FRMPD2: variants seen among roughly 807,000 people sequenced by gnomAD.
FRMPD2 encodes FERM and PDZ domain-containing protein 2.
In FRMPD2, 96 loss-of-function variants were observed where a neutral mutation model predicts 140.1. The ratio of observed to expected loss-of-function variants is 0.69; its 90% CI spans 0.58 to 0.81. The LOEUF is 0.81. Ranked by LOEUF, FRMPD2 falls within the 40% of genes least tolerant of loss-of-function variation. The pLI, the probability that FRMPD2 is intolerant of heterozygous loss-of-function variation, is 0.00. For synonymous variants in FRMPD2, 449 were observed against 547.6 expected (o/e 0.82, Z 2.52); for missense variants, 1,240 against 1,447.4 (o/e 0.86, Z 2.32).
At chr10:48,191,673 C>T (rs1169657391) in intron 16 of FRMPD2, among the ~76,000 whole-genome samples, 1 of 152,174 alleles carries the variant, frequency 6.6e-6, no homozygotes, top group African/African-American at 2.4e-5. Flanking sequence ...AGCTGGAAAA[C>T]TCATCCCAAA....
chr10:48,227,524 T>C (rs1839750622), intron 10 of FRMPD2, among the ~76,000 whole-genome samples: 1 of 152,222 alleles, frequency 6.6e-6, no homozygotes, highest in African/African-American at 2.4e-5. Context: ...GTCTTTGTTT[T>C]TCGTCTTTGG....
intron 1 of FRMPD2, among the ~76,000 whole-genome samples, chr10:48,267,864 G>A (rs776648351): frequency 1.8e-4 from 28 of 152,260 alleles, no homozygotes; most frequent in Non-Finnish European, 2.9e-4. Context: ...CCTTGAACAC[G>A]TTATGCTAAA....
intron 9 of FRMPD2, 26 bp from the exon 10 acceptor site, chr10:48,232,315 T>C (rs745513315): frequency 1.9e-6 from 3 of 1,549,632 alleles, no homozygotes; most frequent in Non-Finnish European, 2.6e-6. Context: ...GTATCAATTA[T>C]ACTACAATTA....
At position 48,239,660 on chromosome 10, in the gene FRMPD2, G is replaced by A; in HGVS notation, c.733C>T (p.Pro245Ser). The stretch of plus-strand genomic sequence containing the variant: ...GTCAAGGTGCTCCAATGGGGCTCTG[G>A]TGAGCTCTGGGTCTCCGTGCTTCTT... ...SERSTETQSS[P>S]EPHWSTLTHS... Residue 245 changes from proline (P) to serine (S), a missense_variant, in exon 7 of 29, where the codon CCA (proline) becomes TCA (serine). Coordinates refer to ENST00000374201, the MANE Select transcript of FRMPD2 (RefSeq NM_001018071.4). The A allele has an allele frequency of 6.2e-7, 1 of 1,614,056 alleles. No individual in the cohort carries two copies. The highest frequency in any genetic ancestry group is 8.5e-7 in the Non-Finnish European group (1 of 1,179,972).
At chr10:48,169,862 G>A (rs1838192515) in intron 26 of FRMPD2, among the ~76,000 whole-genome samples, 1 of 89,722 alleles carries the variant, frequency 1.1e-5, no homozygotes, top group African/African-American at 4.6e-5. Flanking sequence ...GGACTTCCAA[G>A]GGGTGCACTT....
intron 15 of FRMPD2, among the ~76,000 whole-genome samples, chr10:48,195,732 C>A (rs1261471174): frequency 6.6e-6 from 1 of 152,164 alleles, no homozygotes; most frequent in East Asian, 1.9e-4. Flanking sequence ...AACTAAATAT[C>A]AAAAATGGGA....
At position 48,174,959 on chromosome 10, in the gene FRMPD2, G is replaced by A; in HGVS notation, c.2990-4C>T. The A allele has an allele frequency of 1.3e-6, 1 of 746,958 alleles. No individual in the cohort carries two copies. Among genetic ancestry groups the A allele is most frequent in the Non-Finnish European group, 2.3e-6 (1 of 425,970 alleles). The allele number at this position is 746,958 out of a possible 1,614,324, so 46.3% of individuals were successfully genotyped here. A position where few individuals can be genotyped will look rare whatever the true frequency, so the allele number is the denominator to read the frequency against. On this transcript the variant is annotated splice_polypyrimidine_tract_variant and splice_region_variant and intron_variant, in intron 23 of 28. Coordinates refer to ENST00000374201, the MANE Select transcript of FRMPD2 (RefSeq NM_001018071.4). Reference sequence around the variant, plus strand: ...TCCACCTGCAGGAGTCGGTCACCTGGGAAAGGGATAGATGTCATGTCATGA... The same window carrying A: ...TCCACCTGCAGGAGTCGGTCACCTGAGAAAGGGATAGATGTCATGTCATGA...
chr10:48,189,631 G>A (rs953643354), intron 16 of FRMPD2, among the ~76,000 whole-genome samples: 5 of 152,112 alleles, frequency 3.3e-5, no homozygotes, highest in Admixed American at 1.3e-4. Context: ...GCTCACCACC[G>A]AATCCTCCAC....
intron 1 of FRMPD2, among the ~76,000 whole-genome samples, chr10:48,252,074 T>TCTCTGGAG (rs1467243559): frequency 7.5e-4 from 114 of 152,296 alleles, no homozygotes; most frequent in African/African-American, 2.6e-3. Context: ...TCTCCTTCTC[T>TCTCTGGAG]CTCTGGAGAA....
intron 13 of FRMPD2, among the ~76,000 whole-genome samples, chr10:48,207,736 T>C (rs954813248): frequency 6.6e-6 from 1 of 152,222 alleles, no homozygotes; most frequent in Non-Finnish European, 1.5e-5. Flanking sequence ...AAGGACCTCT[T>C]GCTCCAGGCA....
chr10:48,194,345 G>A (rs922016260), intron 15 of FRMPD2, among the ~76,000 whole-genome samples: 10 of 152,142 alleles, frequency 6.6e-5, no homozygotes, highest in Non-Finnish European at 4.4e-5. Flanking sequence ...AGTCCACGCT[G>A]GAAAATGGGG....
rs189683164 is a variant in FRMPD2 at position 48,162,031 on chromosome 10, C to T, written c.3881+1297G>A. ...TCAATATCCAAACAAGTGCCTCCTC[C>T]CTACAGGAAAGTACCATTCCTTTAA... is the stretch of plus-strand genomic sequence containing the variant. On this transcript the variant is annotated intron_variant, in intron 28 of 28. Transcript: ENST00000374201. 3.7e-4 allele frequency among the ~76,000 whole-genome samples: 56 copies of T among 150,674 alleles called. 1 individual carries two copies. The highest frequency in any genetic ancestry group is 1.1e-3 in the Admixed American group (17 of 15,168).
chr10:48,251,472 G>A (rs1459173945), intron 2 of FRMPD2, 94 bp downstream of exon 2: 3 of 1,480,680 alleles, frequency 2.0e-6, no homozygotes, highest in Non-Finnish European at 2.7e-6. Flanking sequence ...CTCAGAGGTT[G>A]ATTTAAAAAA....
At chr10:48,181,828 T>C (rs1186367791) in intron 20 of FRMPD2, among the ~76,000 whole-genome samples, 1 of 144,322 alleles carries the variant, frequency 6.9e-6, no homozygotes, top group African/African-American at 2.6e-5. Flanking sequence ...TAAAAATATA[T>C]ATGTATATAT....
At chr10:48,214,819 A>C (rs1428910544) in intron 12 of FRMPD2, among the ~76,000 whole-genome samples, 1 of 152,246 alleles carries the variant, frequency 6.6e-6, no homozygotes, top group Non-Finnish European at 1.5e-5. Flanking sequence ...AATACCCCAC[A>C]ATACAAGAAT....
intron 17 of FRMPD2, among the ~76,000 whole-genome samples, chr10:48,186,702 A>G (rs890706443): frequency 6.6e-6 from 1 of 152,206 alleles, no homozygotes; most frequent in Non-Finnish European, 1.5e-5. Flanking sequence ...GTGAAAACGC[A>G]CTAATACACT....
rs146535748 is a variant in FRMPD2, at chr10:48,273,553, A to T, written c.25+990T>A. 2.6e-5 allele frequency among the ~76,000 whole-genome samples: 4 copies of T among 151,442 alleles called. No individual in the cohort carries two copies. In the East Asian group the frequency reaches 5.8e-4, roughly 22 times the overall value. ...GCCTTTTCCAATCCCCCTGCTCCCAACTCCTGCTAGTGTTCGCTTAGCATT... is the reference window on the plus strand; with the variant it reads ...GCCTTTTCCAATCCCCCTGCTCCCATCTCCTGCTAGTGTTCGCTTAGCATT... On this transcript the variant is annotated intron_variant, in intron 1 of 28. Coordinates refer to ENST00000374201, the MANE Select transcript of FRMPD2 (RefSeq NM_001018071.4).
At chr10:48,266,374 T>C (rs1840678072) in intron 1 of FRMPD2, among the ~76,000 whole-genome samples, 1 of 152,014 alleles carries the variant, frequency 6.6e-6, no homozygotes, top group South Asian at 2.1e-4. Context: ...AAAATAAAAG[T>C]TTAAAAAGTA....
intron 13 of FRMPD2, among the ~76,000 whole-genome samples, chr10:48,207,915 C>T (rs752425750): frequency 1.3e-5 from 2 of 152,188 alleles, no homozygotes; most frequent in Non-Finnish European, 2.9e-5. Flanking sequence ...CTTTCCCATT[C>T]ACCGTTGATG....
Sources: allele counts gnomAD v4.1 joint callset (sites outside exome capture counted in the v4.1 genomes callset), GRCh38; gene constraint gnomAD v4.1.1; transcripts MANE v1.5; gene names NCBI Gene and HGNC (gene_info 2026-07-23, HGNC 2026-07-21).